Variants in EPHX4 observed in about 807,000 individuals in gnomAD.
EPHX4 encodes the protein epoxide hydrolase 4, also known as abhydrolase domain containing 7.
A neutral mutation model predicts 44.9 loss-of-function variants in EPHX4; 31 were observed. The ratio of observed to expected loss-of-function variants is 0.69; its 90% CI spans 0.52 to 0.93. The LOEUF (loss-of-function observed/expected upper bound fraction) is 0.93. EPHX4 is among the 40% of genes least tolerant of loss of function. The pLI, the probability that EPHX4 is intolerant of heterozygous loss-of-function variation, is 0.00. For synonymous variants in EPHX4, 151 were observed against 159.7 expected (o/e 0.95, Z 0.41); for missense variants, 373 against 438.1 (o/e 0.85, Z 1.33).
At chr1:92,048,929 T>C (rs1434263222) in intron 4 of EPHX4, among the ~76,000 whole-genome samples, 2 of 151,872 alleles carry the variant, frequency 1.3e-5, no homozygotes. Context: ...TCTCAAACCC[T>C]TGGCTTCAAG....
intron 2 of EPHX4, among the ~76,000 whole-genome samples, chr1:92,033,477 A>G (rs1688390116): frequency 6.6e-6 from 1 of 152,154 alleles, no homozygotes; most frequent in Admixed American, 6.5e-5. Flanking sequence ...AACAAACCAA[A>G]GACGTGGAGT....
chr1:92,060,303 A>G (rs1326977592), intron 6 of EPHX4, among the ~76,000 whole-genome samples: 1 of 151,618 alleles, frequency 6.6e-6, no homozygotes, highest in Non-Finnish European at 1.5e-5. Context: ...AGTCCCAGCT[A>G]CTCAGGAGGT....
chr1:92,043,922 G>A (rs1156538581), intron 3 of EPHX4: 1 of 152,204 alleles, frequency 6.6e-6, no homozygotes, highest in Non-Finnish European at 1.5e-5. Flanking sequence ...TCATATGGTG[G>A]AGCCCAAAGT....
chr1:92,046,968 C>G (rs1249560199), intron 4 of EPHX4, among the ~76,000 whole-genome samples: 1 of 152,128 alleles, frequency 6.6e-6, no homozygotes, highest in Non-Finnish European at 1.5e-5. Flanking sequence ...CATACAGGAT[C>G]AAAAAATCAC....
chr1:92,060,292 C>T (rs1038406678), intron 6 of EPHX4, among the ~76,000 whole-genome samples: 4 of 151,292 alleles, frequency 2.6e-5, no homozygotes, highest in Non-Finnish European at 5.9e-5. Flanking sequence ...CATGCCTCTG[C>T]AGTCCCAGCT....
At chr1:92,038,387 T>A (rs1688469403) in intron 2 of EPHX4, among the ~76,000 whole-genome samples, 2 of 152,212 alleles carry the variant, frequency 1.3e-5, no homozygotes. Flanking sequence ...TGTCTCAAGG[T>A]TTGAACTGGG....
intron 2 of EPHX4, among the ~76,000 whole-genome samples, chr1:92,039,169 G>C (rs1162713022): frequency 6.6e-6 from 1 of 152,130 alleles, no homozygotes; most frequent in Non-Finnish European, 1.5e-5. Context: ...ATTTTTTTCT[G>C]CTAGAATAAT....
chr1:92,060,109 G>C (rs1038459926), intron 6 of EPHX4, among the ~76,000 whole-genome samples: 8 of 151,930 alleles, frequency 5.3e-5, no homozygotes, highest in African/African-American at 1.2e-4. Context: ...GTGGAAAACT[G>C]CAATATCATA....
intron 2 of EPHX4, among the ~76,000 whole-genome samples, chr1:92,033,997 C>CTTTTTTTTTT (rs36075635): frequency 9.2e-6 from 1 of 109,134 alleles, no homozygotes; most frequent in Non-Finnish European, 1.8e-5. Context: ...CATGTTTAAA[C>CTTTTTTTTTT]TTTTTTTTTT....
chr1:92,055,680 T>A (rs1230515570), intron 6 of EPHX4, among the ~76,000 whole-genome samples: 1 of 152,144 alleles, frequency 6.6e-6, no homozygotes, highest in Non-Finnish European at 1.5e-5. Flanking sequence ...GTTTTTTGTT[T>A]TCTGTTTTTT....
intron 2 of EPHX4, among the ~76,000 whole-genome samples, chr1:92,036,404 T>A (rs1035411685): frequency 6.6e-6 from 1 of 152,212 alleles, no homozygotes; most frequent in Non-Finnish European, 1.5e-5. Flanking sequence ...GTGATTCTTG[T>A]CCTAGAATCA....
At chr1:92,057,897 C>T (rs1308273851) in intron 6 of EPHX4, among the ~76,000 whole-genome samples, 5 of 152,112 alleles carry the variant, frequency 3.3e-5, no homozygotes, top group Middle Eastern at 3.4e-3. Flanking sequence ...CACCGGCACC[C>T]GGCCTACAGG....
At chr1:92,046,468 G>C (rs1688582126) in intron 4 of EPHX4, among the ~76,000 whole-genome samples, 1 of 152,120 alleles carries the variant, frequency 6.6e-6, no homozygotes, top group Admixed American at 6.6e-5. Context: ...TTTTGTTTCT[G>C]TTTTTGTTTT....
chr1:92,046,521 T>G (rs974617606), intron 4 of EPHX4, among the ~76,000 whole-genome samples: 2 of 152,230 alleles, frequency 1.3e-5, no homozygotes, highest in Non-Finnish European at 2.9e-5. Context: ...TGGAGTGCAG[T>G]GGCGCCATCT....
intron 2 of EPHX4, among the ~76,000 whole-genome samples, chr1:92,037,977 G>T (rs1245527606): frequency 6.6e-6 from 1 of 152,044 alleles, no homozygotes; most frequent in Non-Finnish European, 1.5e-5. Flanking sequence ...TCAGTTTAGG[G>T]CTAATGTGTA....
At chr1:92,051,498 G>C (rs1436178078) in intron 5 of EPHX4, among the ~76,000 whole-genome samples, 1 of 151,592 alleles carries the variant, frequency 6.6e-6, no homozygotes, top group African/African-American at 2.4e-5. Context: ...AATTTGCCCT[G>C]AGGAAAGATC....
intron 2 of EPHX4, among the ~76,000 whole-genome samples, chr1:92,033,265 T>C (rs1458033385): frequency 6.6e-6 from 1 of 152,142 alleles, no homozygotes; most frequent in Non-Finnish European, 1.5e-5. Context: ...TGCCCAGAGT[T>C]AATATTCCTA....
At chr1:92,056,660 T>A (rs79293012) in intron 6 of EPHX4, among the ~76,000 whole-genome samples, 1 of 151,360 alleles carries the variant, frequency 6.6e-6, no homozygotes, top group Non-Finnish European at 1.5e-5. Flanking sequence ...TTTTTTTTTT[T>A]AATAGTGGTG....
intron 3 of EPHX4, among the ~76,000 whole-genome samples, chr1:92,043,953 A>T (rs1688548908): frequency 6.6e-6 from 1 of 152,278 alleles, no homozygotes; most frequent in South Asian, 2.1e-4. Flanking sequence ...AGCCACCACG[A>T]GACCAAAGCA....
Sources: allele counts gnomAD v4.1 joint callset (sites outside exome capture counted in the v4.1 genomes callset), GRCh38; gene constraint gnomAD v4.1.1; transcripts MANE v1.5; gene names NCBI Gene and HGNC (gene_info 2026-07-23, HGNC 2026-07-21).